TRIO: variants seen among roughly 807,000 people sequenced by gnomAD.
TRIO encodes the protein triple functional domain protein.
In TRIO, 58 loss-of-function variants were observed where a neutral mutation model predicts 351.9. The ratio of observed to expected loss-of-function variants is 0.16; its 90% CI spans 0.13 to 0.21. TRIO has a LOEUF of 0.21. Among genes scored for constraint, TRIO ranks in the 10% least tolerant of loss-of-function variants. TRIO has a pLI of 1.00. For missense variants in TRIO, 3,201 were observed against 4,027.8 expected, an observed-to-expected ratio of 0.79 and a Z score of 5.56; for synonymous variants, 1,758 against 1,595.7, an observed-to-expected ratio of 1.10 and a Z score of -2.42.
intron 1 of TRIO, among the ~76,000 whole-genome samples, chr5:14,155,248 A>G (rs898847409): frequency 6.6e-6 from 1 of 152,216 alleles, no homozygotes; most frequent in Non-Finnish European, 1.5e-5. Context: ...CTTTCTGGAT[A>G]TAGCTAATTT....
chr5:14,504,097 G>A (rs1029452055), intron 54 of TRIO, among the ~76,000 whole-genome samples: 1 of 152,254 alleles, frequency 6.6e-6, no homozygotes, highest in African/African-American at 2.4e-5. Context: ...CAAGGCCAAG[G>A]CTCAGAGGTC....
chr5:14,429,024 G>A (rs1579628955), intron 34 of TRIO, among the ~76,000 whole-genome samples: 1 of 152,170 alleles, frequency 6.6e-6, no homozygotes, highest in South Asian at 2.1e-4. Context: ...TACACAAACG[G>A]GGTTCCCTTT....
intron 56 of TRIO, among the ~76,000 whole-genome samples, chr5:14,507,495 G>C (rs1438974131): frequency 1.3e-5 from 2 of 152,178 alleles, no homozygotes; most frequent in African/African-American, 2.4e-5. Context: ...AGCCTTCCAC[G>C]ACTTTCAGAA....
At chr5:14,246,686 C>G (rs1446766996) in intron 1 of TRIO, among the ~76,000 whole-genome samples, 1 of 152,200 alleles carries the variant, frequency 6.6e-6, no homozygotes, top group Non-Finnish European at 1.5e-5. Flanking sequence ...TCACCCCTCG[C>G]CTCCTGTTCC....
intron 1 of TRIO, among the ~76,000 whole-genome samples, chr5:14,173,436 T>C (rs1180870819): frequency 1.3e-5 from 2 of 152,028 alleles, no homozygotes; most frequent in Non-Finnish European, 2.9e-5. Context: ...CGTCTCCAAC[T>C]CCTGACCTCA....
chr5:14,270,244 C>T (rs1041283010), intron 1 of TRIO, among the ~76,000 whole-genome samples: 3 of 152,060 alleles, frequency 2.0e-5, no homozygotes, highest in Admixed American at 6.6e-5. Flanking sequence ...GGCACTGGGC[C>T]GTATGACCAC....
rs539172482 is a variant in TRIO at position 14,417,055 on chromosome 5, C to T, written c.4960-2723C>T. Among the ~76,000 whole-genome samples the T allele has an allele frequency of 1.3e-4, 20 of 152,310 alleles. 1 individual carries two copies. In the South Asian group the frequency reaches 3.3e-3, roughly 25 times the overall value. Reference sequence around the variant, plus strand: ...GGCCTGCAGACCGGTCCTGTGTTCCCGGAACAGGAAGCACCCCAGCTCTAA... The same window carrying T: ...GGCCTGCAGACCGGTCCTGTGTTCCTGGAACAGGAAGCACCCCAGCTCTAA... On this transcript the variant is annotated intron_variant, in intron 33 of 56. Coordinates refer to ENST00000344204, the MANE Select transcript of TRIO (RefSeq NM_007118.4).
chr5:14,164,344 C>T (rs1788642389), intron 1 of TRIO, among the ~76,000 whole-genome samples: 1 of 152,164 alleles, frequency 6.6e-6, no homozygotes, highest in African/African-American at 2.4e-5. Context: ...TACTACAAGA[C>T]AAGGTTGGCT....
At chr5:14,357,500 T>A (rs1579417405) in intron 11 of TRIO, among the ~76,000 whole-genome samples, 1 of 152,162 alleles carries the variant, frequency 6.6e-6, no homozygotes, top group Admixed American at 6.5e-5. Context: ...TTCCAGGGTG[T>A]CTTTACTCAT....
At chr5:14,396,197 A>G (rs953922681) in intron 28 of TRIO, among the ~76,000 whole-genome samples, 11 of 152,168 alleles carry the variant, frequency 7.2e-5, no homozygotes, top group African/African-American at 2.4e-4. Context: ...TAATTCAACC[A>G]TTAGAGCTTT....
rs1279414595 is a variant in TRIO, at chr5:14,389,428, C to T, written c.4058+30C>T. The T allele has an allele frequency of 1.6e-5, 24 of 1,497,936 alleles. 1 individual carries two copies. Among genetic ancestry groups the T allele is most frequent in the East Asian group, 2.3e-5 (1 of 42,590 alleles). The allele number at this position is 1,497,936 out of a possible 1,614,324, so 92.8% of individuals were successfully genotyped here. A position where few individuals can be genotyped will look rare whatever the true frequency, so the allele number is the denominator to read the frequency against. On this transcript the variant is annotated intron_variant, in intron 25 of 56. Transcript: ENST00000344204. Reference sequence around the variant, plus strand: ...GTGGCTTTTTCTTTGGGAGCAGTTACGCTTGAAATCCATGTGCTGAAGTTT... The same window carrying T: ...GTGGCTTTTTCTTTGGGAGCAGTTATGCTTGAAATCCATGTGCTGAAGTTT...
Position 14,207,523 on chromosome 5 carries a change from T to TCTACACAC in TRIO, c.158-63302_158-63301insCTACACAC, listed in dbSNP as rs1554033510. On this transcript the variant is annotated intron_variant, in intron 1 of 56. Coordinates refer to ENST00000344204, the MANE Select transcript of TRIO (RefSeq NM_007118.4). Reference sequence around the variant, plus strand: ...AGGTAGCATAGCAAGACTGTCTCTCTACACACACACACACACACACACACA... The same window carrying TCTACACAC: ...AGGTAGCATAGCAAGACTGTCTCTCTCTACACACACACACACACACACACACACACACA... 3.8e-5 allele frequency among the ~76,000 whole-genome samples: 2 copies of TCTACACAC among 53,144 alleles called. 1 individual carries two copies. Among genetic ancestry groups the TCTACACAC allele is most frequent in the Non-Finnish European group, 8.1e-5 (2 of 24,588 alleles). 34.9% of individuals were successfully genotyped at this position (53,144 alleles called of 152,430 possible). A position where few individuals can be genotyped will look rare whatever the true frequency, so the allele number is the denominator to read the frequency against.
chr5:14,454,541 G>A (rs1753099250), intron 34 of TRIO, among the ~76,000 whole-genome samples: 1 of 152,212 alleles, frequency 6.6e-6, no homozygotes, highest in South Asian at 2.1e-4. Context: ...TGACTTATCA[G>A]TCAGTATGCA....
rs186178602 is a variant in TRIO, at chr5:14,453,473, G to T, written c.5204-7546G>T. On this transcript the variant is annotated intron_variant, in intron 34 of 56. Transcript: ENST00000344204. The stretch of plus-strand genomic sequence containing the variant: ...TCTCATTTTCTGGGTACTCACAGTT[G>T]ATGTAAATACAATGTAGTGAGTTCT... Among the ~76,000 whole-genome samples the T allele has an allele frequency of 2.6e-5, 4 of 152,322 alleles. No homozygotes were observed. In the East Asian group the frequency reaches 7.7e-4, roughly 29 times the overall value.
chr5:14,164,431 T>C (rs32594), intron 1 of TRIO, among the ~76,000 whole-genome samples: 46,814 of 152,088 alleles, frequency 0.31, 7,666 homozygotes, highest in East Asian at 0.47. Context: ...TACCTGGGTA[T>C]TGAATTGCAT....
chr5:14,485,090 GA>G lies in TRIO; in HGVS notation c.6683del (p.Asn2228MetfsTer11). The G allele has an allele frequency of 1.9e-6, 3 of 1,542,632 alleles. No homozygotes were observed. Among genetic ancestry groups the G allele is most frequent in the South Asian group, 1.3e-5 (1 of 79,970 alleles). On this transcript the variant is annotated frameshift_variant, in exon 47 of 57. Transcript: ENST00000344204. LOFTEE classifies it high-confidence loss of function. ...SIKVSCLCLE[E>X]NVENDPCKFA... ...TAAGGTGAGTTGCCTTTGCCTGGAG[GA>G]AAATGTGGAAAATGATCCCTGTAAA...
At position 14,487,750 on chromosome 5, in the gene TRIO, C is replaced by T. The variant is rs765256196; in HGVS notation, c.7122C>T (p.Pro2374=). ...DKMSGTSTPG[P]SLPPPGAAPE... ...TGTCAGGTACGTCCACCCCCGGGCC[C>T]TCCCTGCCTCCCCCTGGCGCGGCCC... Residue 2374 remains proline, a synonymous_variant, in exon 48 of 57, where the codon CCC becomes CCT. Transcript: ENST00000344204. 7.2e-7 allele frequency: 1 copy of T among 1,397,928 alleles called. No homozygotes were observed. Among genetic ancestry groups the T allele is most frequent in the Admixed American group, 2.8e-5 (1 of 35,128 alleles). The allele number at this position is 1,397,928 out of a possible 1,614,324, so 86.6% of individuals were successfully genotyped here. A position where few individuals can be genotyped will look rare whatever the true frequency, so the allele number is the denominator to read the frequency against.
chr5:14,415,277 G>A (rs922748093), intron 33 of TRIO, among the ~76,000 whole-genome samples: 2 of 152,186 alleles, frequency 1.3e-5, no homozygotes, highest in Non-Finnish European at 2.9e-5. Context: ...AAGTAGAATT[G>A]TTTGCAGCGA....
chr5:14,192,271 TC>T (rs778354284), intron 1 of TRIO, among the ~76,000 whole-genome samples: 5 of 151,666 alleles, frequency 3.3e-5, no homozygotes, highest in East Asian at 1.9e-4. Flanking sequence ...TTTTTTTTTT[TC>T]CCCCAAGAAC....
Sources: gnomAD v4.1 joint callset for allele counts (sites outside exome capture counted in the v4.1 genomes callset) on GRCh38, gnomAD v4.1.1 for gene constraint, MANE v1.5 for transcripts, NCBI Gene and HGNC (gene_info 2026-07-23, HGNC 2026-07-21) for gene names.